The following NCAM2 variants were observed in gnomAD, a reference collection of about 807,000 sequenced individuals.
NCAM2 encodes the protein N-CAM-2.
NCAM2 carries 30 observed loss-of-function variants against 98.1 expected under a neutral mutation model. The observed-to-expected ratio is 0.31, with a 90% CI of 0.23 to 0.41. The LOEUF (loss-of-function observed/expected upper bound fraction) is 0.41, where lower values mean the gene tolerates loss of function less well. Ranked by LOEUF, NCAM2 falls within the 10% of genes least tolerant of loss-of-function variation. NCAM2 has a pLI of 1.00. For synonymous variants in NCAM2, 368 were observed against 342.4 expected, an observed-to-expected ratio of 1.07 and a Z score of -0.83; for missense variants, 867 against 1,005.8, an observed-to-expected ratio of 0.86 and a Z score of 1.87.
At chr21:21,053,919 C>G (rs1056485129) in intron 1 of NCAM2, among the ~76,000 whole-genome samples, 3 of 134,364 alleles carry the variant, frequency 2.2e-5, no homozygotes, top group Admixed American at 1.7e-4. Flanking sequence ...CATACCTGTT[C>G]CTATAGGTTT....
chr21:21,353,469 C>G (rs1568969403), intron 8 of NCAM2, among the ~76,000 whole-genome samples: 1 of 152,130 alleles, frequency 6.6e-6, no homozygotes, highest in Non-Finnish European at 1.5e-5. Context: ...GCATTTGGCT[C>G]TTGTCATAAC....
rs372468122 is a variant in NCAM2 at position 21,243,491 on chromosome 21, A to T, written c.56-37087A>T. ...CAGACATGCTTGGGCTAACCAGTTG[A>T]TGAAAATTTATTTGACAGTTAAGAG... On this transcript the variant is annotated intron_variant, in intron 1 of 17. Transcript: ENST00000400546. 2.6e-5 allele frequency among the ~76,000 whole-genome samples: 4 copies of T among 152,098 alleles called. No individual in the cohort carries two copies. The East Asian group carries it at 7.7e-4, about 29-fold the overall frequency.
chr21:21,231,979 G>A (rs1262512450), intron 1 of NCAM2, among the ~76,000 whole-genome samples: 1 of 151,330 alleles, frequency 6.6e-6, no homozygotes, highest in African/African-American at 2.4e-5. Context: ...TTTCTTAATT[G>A]TAATACATTT....
intron 1 of NCAM2, among the ~76,000 whole-genome samples, chr21:21,121,871 C>CTCTA (rs2066682807): frequency 6.6e-6 from 1 of 152,102 alleles, no homozygotes; most frequent in Admixed American, 6.5e-5. Context: ...CAGCCGAAGG[C>CTCTA]TCTAGATCTA....
chr21:21,012,068 T>G (rs1290358643), intron 1 of NCAM2, among the ~76,000 whole-genome samples: 1 of 152,112 alleles, frequency 6.6e-6, no homozygotes, highest in Non-Finnish European at 1.5e-5. Context: ...GTATGGAGGT[T>G]CCATAAAAAT....
chr21:21,525,635 A>G (rs758093689), intron 16 of NCAM2, among the ~76,000 whole-genome samples: 1 of 152,150 alleles, frequency 6.6e-6, no homozygotes, highest in Non-Finnish European at 1.5e-5. Context: ...CAAAAGATAG[A>G]AATAGAGAGA....
At chr21:21,227,755 A>G (rs2147166661) in intron 1 of NCAM2, among the ~76,000 whole-genome samples, 1 of 151,904 alleles carries the variant, frequency 6.6e-6, no homozygotes, top group African/African-American at 2.4e-5. Flanking sequence ...ATTGATAGAA[A>G]ATTGGCTATC....
At chr21:21,055,616 T>A (rs1020116780) in intron 1 of NCAM2, among the ~76,000 whole-genome samples, 7 of 152,064 alleles carry the variant, frequency 4.6e-5, no homozygotes, top group African/African-American at 1.7e-4. Flanking sequence ...CTTAGTAATA[T>A]GTAAAAACTA....
intron 1 of NCAM2, among the ~76,000 whole-genome samples, chr21:21,233,169 C>G (rs756395538): frequency 1.3e-5 from 2 of 151,354 alleles, no homozygotes; most frequent in African/African-American, 4.8e-5. Flanking sequence ...GCAAGTTCTT[C>G]TTTCTTTGTT....
At chr21:21,024,756 G>A (rs769958766) in intron 1 of NCAM2, among the ~76,000 whole-genome samples, 37 of 151,882 alleles carry the variant, frequency 2.4e-4, no homozygotes, top group Non-Finnish European at 3.4e-4. Context: ...GCATGGTGGC[G>A]CATGCCTGTA....
Position 21,211,778 on chromosome 21 carries a change from T to C in NCAM2, c.56-68800T>C, listed in dbSNP as rs148298768. Among the ~76,000 whole-genome samples, 204 of 152,234 alleles carry C rather than the reference T, an allele frequency of 1.3e-3. 1 individual carries two copies. The highest frequency in any genetic ancestry group is 4.6e-3 in the African/African-American group (192 of 41,562). ...CTCATGGAATATTAACTTCCTTTGT[T>C]CCTTATCTCCTATGGTAGAAATATA... On this transcript the variant is annotated intron_variant, in intron 1 of 17. Transcript: ENST00000400546.
intron 1 of NCAM2, among the ~76,000 whole-genome samples, chr21:21,216,320 T>A (rs1208560992): frequency 6.6e-6 from 1 of 152,172 alleles, no homozygotes; most frequent in African/African-American, 2.4e-5. Context: ...AAGGGTGGAT[T>A]AAAAACTAGA....
intron 5 of NCAM2, among the ~76,000 whole-genome samples, chr21:21,320,413 A>G (rs1159835455): frequency 6.6e-6 from 1 of 152,088 alleles, no homozygotes; most frequent in African/African-American, 2.4e-5. Context: ...TTTTGTATGC[A>G]TTTTGAGTTC....
At chr21:21,284,852 T>TA (rs1187973745) in intron 3 of NCAM2, among the ~76,000 whole-genome samples, 1 of 151,538 alleles carries the variant, frequency 6.6e-6, no homozygotes, top group African/African-American at 2.4e-5. Flanking sequence ...TAGTAGCCAA[T>TA]AATATTGAGT....
rs190779248 is a variant in NCAM2, at chr21:21,528,297, A to G, written c.2283-6240A>G. ...GAAAATGTCATGATAAACATTTTCA[A>G]ACACATAGAATGTACAACCCCAAGA... On this transcript the variant is annotated intron_variant, in intron 16 of 17. Transcript: ENST00000400546. Among the ~76,000 whole-genome samples, 23 of 152,316 alleles carry G rather than the reference A, an allele frequency of 1.5e-4. No homozygotes were observed. The East Asian group carries it at 4.5e-3, about 29-fold the overall frequency.
intron 5 of NCAM2, among the ~76,000 whole-genome samples, chr21:21,322,499 C>G (rs1273227110): frequency 6.6e-6 from 1 of 152,106 alleles, no homozygotes; most frequent in African/African-American, 2.4e-5. Flanking sequence ...GGTTGTGAGT[C>G]TTAAGATTAG....
chr21:21,172,672 A>G (rs1406995954), intron 1 of NCAM2, among the ~76,000 whole-genome samples: 1 of 152,156 alleles, frequency 6.6e-6, no homozygotes, highest in African/African-American at 2.4e-5. Context: ...TTACTAAATG[A>G]CACTATCAAT....
chr21:21,282,836 C>G (rs1012958723), intron 2 of NCAM2, among the ~76,000 whole-genome samples: 5 of 151,536 alleles, frequency 3.3e-5, no homozygotes, highest in Admixed American at 1.3e-4. Context: ...TTAGAGATGC[C>G]TGAAAGAAAA....
chr21:21,266,964 G>C (rs748924932), intron 1 of NCAM2, among the ~76,000 whole-genome samples: 2 of 152,084 alleles, frequency 1.3e-5, no homozygotes, highest in African/African-American at 4.8e-5. Flanking sequence ...TGTCATAGGA[G>C]TTCATTGTAC....
Sources: gnomAD v4.1 joint callset for allele counts (sites outside exome capture counted in the v4.1 genomes callset) on GRCh38, gnomAD v4.1.1 for gene constraint, MANE v1.5 for transcripts, NCBI Gene and HGNC (gene_info 2026-07-23, HGNC 2026-07-21) for gene names.